LUZP2: variants seen among roughly 807,000 people sequenced by gnomAD.
LUZP2 encodes the protein leucine zipper protein 2.
Under a neutral mutation model 51.6 loss-of-function variants are expected in LUZP2, and 52 were observed. That is an observed-to-expected ratio of 1.01 (90% CI 0.81 to 1.27). The LOEUF (loss-of-function observed/expected upper bound fraction) is 1.27. LUZP2 is among the 50% of genes most tolerant of loss of function. LUZP2 has a pLI of 0.00. For missense variants in LUZP2, 436 were observed against 395.4 expected (o/e 1.10, Z -0.87); for synonymous variants, 154 against 137.3 (o/e 1.12, Z -0.85).
chr11:24,858,071 G>A (rs1160261), intron 5 of LUZP2, among the ~76,000 whole-genome samples: 92,258 of 151,820 alleles, frequency 0.61, 28,697 homozygotes, highest in Middle Eastern at 0.7. Flanking sequence ...GGTGTCTTTG[G>A]CATCGAATGA....
At chr11:24,647,436 G>A (rs1275133396) in intron 1 of LUZP2, among the ~76,000 whole-genome samples, 2 of 151,772 alleles carry the variant, frequency 1.3e-5, no homozygotes, top group African/African-American at 2.4e-5. Flanking sequence ...CCACAAAGAC[G>A]AATAGCACTG....
rs570616833 is a variant in LUZP2 at position 24,643,254 on chromosome 11, CAAAAAAA to C, written c.63-85898_63-85892del. ...TGAAACCTCGTCTGTACTAAAAGTACAAAAAAAAAAAAAAAAAAAAAAATTAGCTGGG... is the reference window on the plus strand; with the variant it reads ...TGAAACCTCGTCTGTACTAAAAGTACAAAAAAAAAAAAAAAATTAGCTGGG... On this transcript the variant is annotated intron_variant, in intron 1 of 11. Transcript: ENST00000336930. Among the ~76,000 whole-genome samples, 615 of 75,726 alleles carry C rather than the reference CAAAAAAA, an allele frequency of 8.1e-3. 2 individuals carry two copies. The highest frequency in any genetic ancestry group is 0.017 in the Middle Eastern group (2 of 118). The allele number at this position is 75,726 out of a possible 152,430, so 49.7% of individuals were successfully genotyped here. A position where few individuals can be genotyped will look rare whatever the true frequency, so the allele number is the denominator to read the frequency against.
intron 5 of LUZP2, among the ~76,000 whole-genome samples, chr11:24,873,616 A>T (rs1267672306): frequency 6.6e-6 from 1 of 152,182 alleles, no homozygotes; most frequent in African/African-American, 2.4e-5. Context: ...GTCAAAATAA[A>T]CATCCTCATG....
chr11:24,946,138 C>T (rs1854893239), intron 7 of LUZP2, among the ~76,000 whole-genome samples: 1 of 152,010 alleles, frequency 6.6e-6, no homozygotes, highest in Non-Finnish European at 1.5e-5. Flanking sequence ...GTTATATATT[C>T]ATACTTCATT....
Position 24,764,565 on chromosome 11 carries a change from AAGGCAGG to A in LUZP2, c.396+1261_396+1267del, listed in dbSNP as rs1565124843. ...TGTAGTCCCAGCTTCTTACGAGGCCAAGGCAGGAGGATTGCTTGAGCCTGAGAGGTCG... is the reference window on the plus strand; with the variant it reads ...TGTAGTCCCAGCTTCTTACGAGGCCAAGGATTGCTTGAGCCTGAGAGGTCG... On this transcript the variant is annotated intron_variant, in intron 5 of 11. Coordinates refer to ENST00000336930, the MANE Select transcript of LUZP2 (RefSeq NM_001009909.4). Among the ~76,000 whole-genome samples the A allele has an allele frequency of 2.0e-5, 3 of 151,112 alleles. No homozygotes were observed. The East Asian group carries it at 5.9e-4, about 30-fold the overall frequency.
At chr11:25,003,787 A>G (rs1207411596) in intron 9 of LUZP2, among the ~76,000 whole-genome samples, 1 of 152,156 alleles carries the variant, frequency 6.6e-6, no homozygotes, top group African/African-American at 2.4e-5. Flanking sequence ...AGTAGGGGAC[A>G]ACAAATGGGT....
chr11:24,987,821 C>A (rs1334517111), intron 9 of LUZP2, among the ~76,000 whole-genome samples: 1 of 151,856 alleles, frequency 6.6e-6, no homozygotes, highest in Non-Finnish European at 1.5e-5. Context: ...TAAGAAACCT[C>A]AAAACAGTGC....
intron 1 of LUZP2, among the ~76,000 whole-genome samples, chr11:24,709,222 G>A (rs189925441): frequency 6.6e-6 from 1 of 152,244 alleles, no homozygotes; most frequent in Non-Finnish European, 1.5e-5. Context: ...TTTTCAAATA[G>A]TAATGTGTAC....
At chr11:24,697,356 G>T (rs1451044915) in intron 1 of LUZP2, among the ~76,000 whole-genome samples, 1 of 152,088 alleles carries the variant, frequency 6.6e-6, no homozygotes. Flanking sequence ...TAGAAAAATG[G>T]AATGACAAGA....
intron 5 of LUZP2, among the ~76,000 whole-genome samples, chr11:24,834,194 G>A (rs1850789294): frequency 6.6e-6 from 1 of 151,922 alleles, no homozygotes; most frequent in Non-Finnish European, 1.5e-5. Context: ...TGTCATCTAG[G>A]TTTGAAGCAC....
At chr11:25,013,408 T>C (rs910586205) in intron 9 of LUZP2, among the ~76,000 whole-genome samples, 6 of 152,202 alleles carry the variant, frequency 3.9e-5, no homozygotes, top group Non-Finnish European at 8.8e-5. Context: ...ATTTCACATG[T>C]ACCTTTATAA....
chr11:24,887,341 T>G (rs933749075), intron 5 of LUZP2, among the ~76,000 whole-genome samples: 1 of 152,118 alleles, frequency 6.6e-6, no homozygotes, highest in Admixed American at 6.6e-5. Context: ...TGTTTCTAGG[T>G]CAAGACAGAG....
intron 1 of LUZP2, among the ~76,000 whole-genome samples, chr11:24,598,139 C>T (rs9651584): frequency 6.6e-6 from 1 of 151,602 alleles, no homozygotes; most frequent in African/African-American, 2.4e-5. Context: ...TATTAAGCAC[C>T]TGCTTTGTGC....
intron 7 of LUZP2, among the ~76,000 whole-genome samples, chr11:24,968,328 C>T (rs1014888994): frequency 6.6e-6 from 1 of 152,064 alleles, no homozygotes; most frequent in Non-Finnish European, 1.5e-5. Context: ...AGCAAGTAGA[C>T]TATACTTAAA....
At chr11:24,852,046 A>T (rs1851410764) in intron 5 of LUZP2, among the ~76,000 whole-genome samples, 1 of 152,000 alleles carries the variant, frequency 6.6e-6, no homozygotes, top group South Asian at 2.1e-4. Flanking sequence ...TATTTTGTTA[A>T]TCTTTTCAAA....
intron 5 of LUZP2, among the ~76,000 whole-genome samples, chr11:24,851,738 G>A (rs529700138): frequency 2.0e-4 from 31 of 152,104 alleles, no homozygotes; most frequent in South Asian, 4.2e-4. Flanking sequence ...CTGTGAATCC[G>A]TCTCATCCTG....
At chr11:24,919,928 A>G (rs1853978061) in intron 7 of LUZP2, among the ~76,000 whole-genome samples, 4 of 151,762 alleles carry the variant, frequency 2.6e-5, no homozygotes, top group Admixed American at 2.6e-4. Flanking sequence ...AAACAAAAAT[A>G]AATAATTGGT....
intron 5 of LUZP2, among the ~76,000 whole-genome samples, chr11:24,820,782 G>A (rs1850334783): frequency 6.6e-6 from 1 of 152,112 alleles, no homozygotes; most frequent in South Asian, 2.1e-4. Context: ...TGTGTATTAA[G>A]ATGAGCCAGG....
At chr11:24,905,883 T>C in intron 5 of LUZP2, 108 bp from the exon 6 acceptor site, 2 of 667,796 alleles carry the variant, frequency 3.0e-6, no homozygotes, top group South Asian at 2.1e-5. Context: ...TTTTACATCA[T>C]GAAGGTCTAA....
Sources: allele counts gnomAD v4.1 joint callset (sites outside exome capture counted in the v4.1 genomes callset), GRCh38; gene constraint gnomAD v4.1.1; transcripts MANE v1.5; gene names NCBI Gene and HGNC (gene_info 2026-07-23, HGNC 2026-07-21).